FLVCR2: variants seen among roughly 807,000 people sequenced by gnomAD.
FLVCR2 encodes the protein FLVCR choline and putative heme transporter 2.
A neutral mutation model predicts 48.9 loss-of-function variants in FLVCR2; 38 were observed. That is an observed-to-expected ratio of 0.78 (90% confidence interval 0.60 to 1.02). The LOEUF (loss-of-function observed/expected upper bound fraction) is 1.02. Among genes scored for constraint, FLVCR2 ranks in the 50% least tolerant of loss-of-function variants. The pLI is 0.00. For missense variants in FLVCR2, 664 were observed against 663.3 expected (o/e 1.00, Z -0.01); for synonymous variants, 255 against 257.0 (o/e 0.99, Z 0.07).
intron 1 of FLVCR2, among the ~76,000 whole-genome samples, chr14:75,582,428 A>T (rs1444215857): frequency 6.6e-6 from 1 of 152,174 alleles, no homozygotes; most frequent in Non-Finnish European, 1.5e-5. Flanking sequence ...AAGTATATGC[A>T]TCAGGTGTGA....
chr14:75,644,552 A>G (rs1268679331), intron 9 of FLVCR2, among the ~76,000 whole-genome samples: 2 of 152,170 alleles, frequency 1.3e-5, no homozygotes, highest in Non-Finnish European at 2.9e-5. Context: ...TTAGGTTCCA[A>G]TAAATGGTGC....
At chr14:75,634,016 T>G (rs1009366582) in intron 4 of FLVCR2, among the ~76,000 whole-genome samples, 2 of 152,114 alleles carry the variant, frequency 1.3e-5, no homozygotes, top group African/African-American at 4.8e-5. Context: ...ATGACGCTTG[T>G]GTATGTATAC....
At chr14:75,590,481 C>T (rs1888854708) in intron 1 of FLVCR2, among the ~76,000 whole-genome samples, 3 of 152,194 alleles carry the variant, frequency 2.0e-5, no homozygotes, top group African/African-American at 4.8e-5. Context: ...AGAGTCTTAA[C>T]TTGCTGATAT....
Position 75,647,682 on chromosome 14 carries a change from T to C in FLVCR2, c.*1210T>C, listed in dbSNP as rs1431573632. 1 of 152,718 alleles carries C rather than the reference T, an allele frequency of 6.5e-6. No homozygotes were observed. The highest frequency in any genetic ancestry group is 1.5e-5 in the Non-Finnish European group (1 of 68,076). 9.5% of individuals were successfully genotyped at this position (152,718 alleles called of 1,614,324 possible). ...TCCTATCTAGCCTGCTGTTTGGCTG[T>C]ACTCATGGGCTTTGGTAATATCTCC... On this transcript the variant is annotated 3_prime_UTR_variant, in exon 10 of 10. Coordinates refer to ENST00000238667, the MANE Select transcript of FLVCR2 (RefSeq NM_017791.3).
At chr14:75,641,151 C>G (rs762888497) in intron 7 of FLVCR2, 31 bp from the exon 8 acceptor site, 8 of 1,573,872 alleles carry the variant, frequency 5.1e-6, no homozygotes. Context: ...TGACTGGGCC[C>G]TTGTTTCCTA....
intron 4 of FLVCR2, among the ~76,000 whole-genome samples, chr14:75,634,373 A>C (rs1039521922): frequency 1.3e-5 from 2 of 152,184 alleles, no homozygotes; most frequent in African/African-American, 4.8e-5. Context: ...CTTCATCTGC[A>C]AAATGGAGAA....
intron 3 of FLVCR2, among the ~76,000 whole-genome samples, chr14:75,629,760 G>T (rs566626492): frequency 6.6e-6 from 1 of 152,346 alleles, no homozygotes; most frequent in African/African-American, 2.4e-5. Context: ...CATACTCAAA[G>T]GGCGTACTTT....
Position 75,622,086 on chromosome 14 carries a change from T to C in FLVCR2, c.677T>C (p.Ile226Thr), listed in dbSNP as rs1463645822. Residue 226 changes from isoleucine to threonine, a missense_variant, in exon 2 of 10, where the codon ATT (isoleucine) becomes ACT (threonine). Physicochemically the swap from Ile to Thr is moderately conservative, Grantham distance 89 (BLOSUM62 -1). Transcript: ENST00000238667. ...SVAVFGNQLG[I>T]AIGFLVPPVL... ...TGTCTCTGTCTTCTATAGCTTGGAA[T>C]TGCGATTGGGTTCTTGGTCCCTCCT... The C allele has an allele frequency of 6.2e-7, 1 of 1,614,038 alleles. No individual in the cohort carries two copies. The highest frequency in any genetic ancestry group is 8.5e-7 in the Non-Finnish European group (1 of 1,180,050).
At chr14:75,635,117 C>A in intron 5 of FLVCR2, 104 bp downstream of exon 5, 1 of 777,262 alleles carries the variant, frequency 1.3e-6, no homozygotes, top group Non-Finnish European at 2.3e-6. Context: ...ATCCTAGTGG[C>A]CAAGCAGGTC....
intron 9 of FLVCR2, among the ~76,000 whole-genome samples, chr14:75,642,698 T>C (rs1890329909): frequency 6.6e-6 from 1 of 152,242 alleles, no homozygotes; most frequent in South Asian, 2.1e-4. Flanking sequence ...TTTCATCATT[T>C]AGAGATGAGA....
intron 1 of FLVCR2, among the ~76,000 whole-genome samples, chr14:75,585,433 T>G (rs1180520085): frequency 6.6e-6 from 1 of 151,830 alleles, no homozygotes; most frequent in African/African-American, 2.4e-5. Context: ...AGGTCAGGTG[T>G]GAGTTGAAGA....
intron 9 of FLVCR2, among the ~76,000 whole-genome samples, chr14:75,645,358 T>G (rs530661963): frequency 1.1e-3 from 161 of 152,174 alleles, no homozygotes; most frequent in Non-Finnish European, 2.0e-3. Context: ...GCCCAAGGCC[T>G]TCTTGTGAAT....
intron 1 of FLVCR2, among the ~76,000 whole-genome samples, chr14:75,581,865 G>C (rs1209106525): frequency 6.6e-6 from 1 of 152,182 alleles, no homozygotes; most frequent in African/African-American, 2.4e-5. Flanking sequence ...ATGATGGAAA[G>C]GAAATGAGAG....
intron 1 of FLVCR2, among the ~76,000 whole-genome samples, chr14:75,612,304 G>T (rs555414522): frequency 2.6e-5 from 4 of 152,146 alleles, no homozygotes; most frequent in Non-Finnish European, 5.9e-5. Context: ...CCAAAGAACT[G>T]AGGGAATCCA....
intron 1 of FLVCR2, among the ~76,000 whole-genome samples, chr14:75,616,047 A>AAAAAAG (rs1259725425): frequency 6.7e-6 from 1 of 148,150 alleles, no homozygotes; most frequent in African/African-American, 2.5e-5. Flanking sequence ...AAAAAAAAAA[A>AAAAAAG]ATAGCGTAAG....
chr14:75,595,261 C>T (rs537076205), intron 1 of FLVCR2, among the ~76,000 whole-genome samples: 4 of 152,194 alleles, frequency 2.6e-5, no homozygotes, highest in South Asian at 2.1e-4. Context: ...TATAGATGGC[C>T]GCATAAGCAA....
chr14:75,591,794 T>C (rs928744659), intron 1 of FLVCR2, among the ~76,000 whole-genome samples: 3 of 150,986 alleles, frequency 2.0e-5, no homozygotes, highest in Admixed American at 2.0e-4. Flanking sequence ...GGCTCTCTTT[T>C]TCTCTTCATT....
chr14:75,622,090 G>T lies in FLVCR2; in HGVS notation c.681G>T (p.Ala227=), dbSNP rs143118396. ...TCTGTCTTCTATAGCTTGGAATTGC[G>T]ATTGGGTTCTTGGTCCCTCCTGTTT... ...VAVFGNQLGI[A]IGFLVPPVLV... The change falls in exon 2 of 10, where the codon GCG becomes GCT. Residue 227 remains alanine (A), a synonymous_variant. Coordinates refer to ENST00000238667, the MANE Select transcript of FLVCR2 (RefSeq NM_017791.3). 1 of 1,614,104 alleles carries T rather than the reference G, an allele frequency of 6.2e-7. No homozygotes were observed. Among genetic ancestry groups the T allele is most frequent in the Non-Finnish European group, 8.5e-7 (1 of 1,180,026 alleles).
Position 75,586,798 on chromosome 14 carries a change from G to A in FLVCR2, c.669+7157G>A, listed in dbSNP as rs555413061. 9.2e-5 allele frequency among the ~76,000 whole-genome samples: 14 copies of A among 151,866 alleles called. No homozygotes were observed. The South Asian group carries it at 2.3e-3, about 25-fold the overall frequency. On this transcript the variant is annotated intron_variant, in intron 1 of 9. Coordinates refer to ENST00000238667, the MANE Select transcript of FLVCR2 (RefSeq NM_017791.3). ...ATTAAAATCCAACATTCTTCCTTTC[G>A]ACAAGCATTTATCTAGTTTTTGCAA...
Sources: allele counts gnomAD v4.1 joint callset (sites outside exome capture counted in the v4.1 genomes callset), GRCh38; gene constraint gnomAD v4.1.1; transcripts MANE v1.5; gene names NCBI Gene and HGNC (gene_info 2026-07-23, HGNC 2026-07-21).